EED: variants seen among roughly 807,000 people sequenced by gnomAD.
The protein encoded by EED is embryonic ectoderm development.
EED carries 9 observed loss-of-function variants against 61.0 expected under a neutral mutation model. That is an observed-to-expected ratio of 0.15 (90% CI 0.09 to 0.26). The LOEUF (loss-of-function observed/expected upper bound fraction) is 0.26. Among genes scored for constraint, EED ranks in the 10% least tolerant of loss-of-function variants. EED has a pLI of 1.00. For synonymous variants in EED, 187 were observed against 174.4 expected, an observed-to-expected ratio of 1.07 and a Z score of -0.57; for missense variants, 315 against 542.3, an observed-to-expected ratio of 0.58 and a Z score of 4.16.
Position 86,245,298 on chromosome 11 carries a change from G to C in EED, c.69G>C (p.Leu23=). Residue 23 remains leucine (L), a synonymous_variant, in exon 1 of 12, where the codon CTG becomes CTC. Coordinates refer to ENST00000263360, the MANE Select transcript of EED (RefSeq NM_003797.5). ...TGCCTGCGGCCAAGAAGCAGAAGCT[G>C]AGCAGTGACGAGAACAGCAATCCAG... ...TDMPAAKKQK[L]SSDENSNPDL... is the part of the protein sequence containing the mutation. 4 of 1,613,562 alleles carry C rather than the reference G, an allele frequency of 2.5e-6. No individual in the cohort carries two copies. The highest frequency in any genetic ancestry group is 3.4e-6 in the Non-Finnish European group (4 of 1,179,986).
intron 1 of EED, among the ~76,000 whole-genome samples, chr11:86,249,702 A>G (rs1186643698): frequency 6.6e-6 from 1 of 152,212 alleles, no homozygotes; most frequent in Non-Finnish European, 1.5e-5. Context: ...TTTAACTTGT[A>G]AATAGCATAG....
At chr11:86,269,775 A>T in intron 9 of EED, among the ~76,000 whole-genome samples, 1 of 152,044 alleles carries the variant, frequency 6.6e-6, no homozygotes. Flanking sequence ...ACCTTTTAAG[A>T]TTGTTTTTTT....
chr11:86,250,508 G>A lies in EED; in HGVS notation c.267+60G>A, dbSNP rs910142430. The A allele has an allele frequency of 4.9e-6, 7 of 1,436,552 alleles. No homozygotes were observed. In the African/African-American group the frequency reaches 7.4e-5, roughly 15 times the overall value. 89.0% of individuals were successfully genotyped at this position (1,436,552 alleles called of 1,614,324 possible). ...TAGGCTTCAGAAATTATTTCTCTGT[G>A]GCACGCATTTCGTACTCAGGATACT... On this transcript the variant is annotated intron_variant, in intron 2 of 11. Transcript: ENST00000263360.
chr11:86,276,910 C>T (rs1946247399), intron 9 of EED, 70 bp from the exon 10 acceptor site: 2 of 1,332,444 alleles, frequency 1.5e-6, no homozygotes, highest in South Asian at 2.1e-5. Flanking sequence ...AATAGAAAAG[C>T]CTTGTTTTTA....
At chr11:86,275,555 C>A (rs1183101113) in intron 9 of EED, among the ~76,000 whole-genome samples, 1 of 152,200 alleles carries the variant, frequency 6.6e-6, no homozygotes, top group East Asian at 1.9e-4. Context: ...CTGGCAACAT[C>A]TTTTTACCTC....
chr11:86,261,547 T>A (rs1945828800), intron 6 of EED, among the ~76,000 whole-genome samples: 1 of 152,232 alleles, frequency 6.6e-6, no homozygotes, highest in Non-Finnish European at 1.5e-5. Flanking sequence ...TCCCCATGGC[T>A]CCACCAGGTG....
In EED at chr11:86,278,665, T is replaced by C; in HGVS notation, c.*140T>C. Reference sequence around the variant, plus strand: ...CAGGCTGAGCTGAATGTAGTGATGTTTACATTGTTTACATTCTTTGTACTG... The same window carrying C: ...CAGGCTGAGCTGAATGTAGTGATGTCTACATTGTTTACATTCTTTGTACTG... On this transcript the variant is annotated 3_prime_UTR_variant, in exon 12 of 12. Coordinates refer to ENST00000263360, the MANE Select transcript of EED (RefSeq NM_003797.5). The C allele has an allele frequency of 9.6e-7, 1 of 1,038,336 alleles. No individual in the cohort carries two copies. The highest frequency in any genetic ancestry group is 1.3e-6 in the Non-Finnish European group (1 of 750,270). 64.3% of individuals were successfully genotyped at this position (1,038,336 alleles called of 1,614,324 possible).
chr11:86,272,058 T>TTTG lies in EED; in HGVS notation c.966+3499_966+3500insGTT, dbSNP rs1207414294. On this transcript the variant is annotated intron_variant, in intron 9 of 11. Transcript: ENST00000263360. Reference sequence around the variant, plus strand: ...AGAGATTGTGCAAAATTAGTGTGATTTTTTTTTTTTTTTTTTTGAGACGGA... The same window carrying TTTG: ...AGAGATTGTGCAAAATTAGTGTGATTTTGTTTTTTTTTTTTTTTTTGAGACGGA... Among the ~76,000 whole-genome samples the TTTG allele has an allele frequency of 6.8e-3, 108 of 15,874 alleles. 31 individuals carry two copies. Among genetic ancestry groups the TTTG allele is most frequent in the African/African-American group, 0.017 (106 of 6,166 alleles). 10.4% of individuals were successfully genotyped at this position (15,874 alleles called of 152,430 possible).
chr11:86,286,728 T>G, the EED span, among the ~76,000 whole-genome samples: 5 of 152,050 alleles, frequency 3.3e-5, 1 homozygote, highest in South Asian at 8.3e-4. Context: ...ATCCCAGCAC[T>G]TTGGGAGGCC....
chr11:86,250,012 T>A (rs1945489955), intron 1 of EED, among the ~76,000 whole-genome samples: 1 of 152,250 alleles, frequency 6.6e-6, no homozygotes, highest in Non-Finnish European at 1.5e-5. Context: ...TACAGTGTAT[T>A]AAAGTGACTG....
At chr11:86,253,990 G>T (rs1343263935) in intron 3 of EED, among the ~76,000 whole-genome samples, 1 of 128,998 alleles carries the variant, frequency 7.8e-6, no homozygotes, top group Non-Finnish European at 1.6e-5. Flanking sequence ...AGAGGTTGCA[G>T]TGAGCCAAGA....
chr11:86,246,227 T>G (rs1945388417), intron 1 of EED, among the ~76,000 whole-genome samples: 1 of 152,248 alleles, frequency 6.6e-6, no homozygotes, highest in Non-Finnish European at 1.5e-5. Context: ...GTTTTCAGTT[T>G]CATGTTTTAG....
In EED at chr11:86,274,451, A is replaced by G. The variant is rs541608249; in HGVS notation, c.967-2529A>G. ...TGATTGAAACCTGGGTATTTTGGGT[A>G]TTACGAGACTCTGGACCTTATTTAG... On this transcript the variant is annotated intron_variant, in intron 9 of 11. Transcript: ENST00000263360. 1.3e-4 allele frequency among the ~76,000 whole-genome samples: 20 copies of G among 152,260 alleles called. No individual in the cohort carries two copies. In the South Asian group the frequency reaches 4.1e-3, roughly 32 times the overall value.
At position 86,276,994 on chromosome 11, in the gene EED, C is replaced by T; in HGVS notation, c.981C>T (p.Ala327=). The T allele has an allele frequency of 6.6e-7, 1 of 1,508,658 alleles. No homozygotes were observed. The highest frequency in any genetic ancestry group is 9.0e-7 in the Non-Finnish European group (1 of 1,114,734). 93.5% of individuals were successfully genotyped at this position (1,508,658 alleles called of 1,614,324 possible). ...DLILSKSCEN[A]IVCWKPGKME... ...CTCTGTTTTAGTCTTGTGAAAATGC[C>T]ATTGTGTGCTGGAAACCTGGCAAGA... is the stretch of plus-strand genomic sequence containing the variant. Residue 327 remains alanine (A), a synonymous_variant, in exon 10 of 12, where the codon GCC becomes GCT. Coordinates refer to ENST00000263360, the MANE Select transcript of EED (RefSeq NM_003797.5).
chr11:86,272,574 A>G (rs1946143211), intron 9 of EED, among the ~76,000 whole-genome samples: 1 of 152,190 alleles, frequency 6.6e-6, no homozygotes, highest in Non-Finnish European at 1.5e-5. Context: ...CTGTTTTATC[A>G]ACTATTGAGA....
At chr11:86,283,669 G>C (rs916722667), downstream of EED, among the ~76,000 whole-genome samples, 1 of 152,144 alleles carries the variant, frequency 6.6e-6, no homozygotes. Flanking sequence ...TACATTTGTT[G>C]AAGTAAAAAA....
At position 86,278,741 on chromosome 11, in the gene EED, C is replaced by T. The variant is rs570783146; in HGVS notation, c.*216C>T. The T allele has an allele frequency of 7.9e-6, 4 of 507,872 alleles. No individual in the cohort carries two copies. In the South Asian group the frequency reaches 2.2e-4, roughly 28 times the overall value. The allele number at this position is 507,872 out of a possible 1,614,324, so 31.5% of individuals were successfully genotyped here. ...TTAATAAAAATTTATTTTTGTAAAG[C>T]TGTGTGTTTAGTTACTTTCATTGTG... On this transcript the variant is annotated 3_prime_UTR_variant, in exon 12 of 12. Coordinates refer to ENST00000263360, the MANE Select transcript of EED (RefSeq NM_003797.5).
intron 3 of EED, among the ~76,000 whole-genome samples, chr11:86,254,048 C>G (rs199703678): frequency 3.6e-5 from 2 of 56,314 alleles, no homozygotes. Context: ...AACTCTGTCT[C>G]AAAAAAAAAA....
chr11:86,250,591 T>G, intron 2 of EED, 143 bp downstream of exon 2: 1 of 901,344 alleles, frequency 1.1e-6, no homozygotes, highest in Non-Finnish European at 1.5e-6. Flanking sequence ...TTTTTTTTTG[T>G]AGTTCAGACT....
Sources: allele counts gnomAD v4.1 joint callset (sites outside exome capture counted in the v4.1 genomes callset), GRCh38; gene constraint gnomAD v4.1.1; transcripts MANE v1.5; gene names NCBI Gene and HGNC (gene_info 2026-07-23, HGNC 2026-07-21).